TNRC6A: variants seen among roughly 807,000 people sequenced by gnomAD.
TNRC6A encodes the protein trinucleotide repeat containing adaptor 6A.
Under a neutral mutation model 221.2 loss-of-function variants are expected in TNRC6A, and 44 were observed. The ratio of observed to expected loss-of-function variants is 0.20; its 90% CI spans 0.16 to 0.26. The LOEUF is 0.26. Among genes scored for constraint, TNRC6A ranks in the 10% least tolerant of loss-of-function variants. The probability of loss-of-function intolerance (pLI) is 1.00; values close to 1 mark genes in which losing one functional copy is unlikely to be tolerated. For synonymous variants in TNRC6A, 847 were observed against 838.5 expected, an observed-to-expected ratio of 1.01 and a Z score of -0.18; for missense variants, 2,199 against 2,404.4, an observed-to-expected ratio of 0.91 and a Z score of 1.79.
At chr16:24,822,042 T>C in intron 22 of TNRC6A, 35 bp from the exon 23 acceptor site, 1 of 1,610,690 alleles carries the variant, frequency 6.2e-7, no homozygotes. Context: ...CTTTCAGTCC[T>C]GGAAAACTGA....
At chr16:24,813,254 A>G (rs1199322163) in intron 18 of TNRC6A, among the ~76,000 whole-genome samples, 1 of 152,162 alleles carries the variant, frequency 6.6e-6, no homozygotes, top group Non-Finnish European at 1.5e-5. Flanking sequence ...GATATATTGC[A>G]TACTGGTGGA....
chr16:24,658,667 T>G (rs961726121), intron 2 of TNRC6A, among the ~76,000 whole-genome samples: 5 of 151,846 alleles, frequency 3.3e-5, no homozygotes, highest in African/African-American at 1.2e-4. Flanking sequence ...CCACCCTGTT[T>G]CTAATGTTGT....
At chr16:24,671,319 G>C (rs187725219) in intron 2 of TNRC6A, among the ~76,000 whole-genome samples, 1 of 152,312 alleles carries the variant, frequency 6.6e-6, no homozygotes, top group African/African-American at 2.4e-5. Flanking sequence ...AGGTCTCCAG[G>C]AGAGAGGGAA....
chr16:24,679,236 G>T (rs1172969900), intron 2 of TNRC6A, among the ~76,000 whole-genome samples: 1 of 152,020 alleles, frequency 6.6e-6, no homozygotes, highest in African/African-American at 2.4e-5. Context: ...AACCTCAGGT[G>T]ATCCACCCAC....
intron 1 of TNRC6A, among the ~76,000 whole-genome samples, chr16:24,626,580 T>C (rs966041459): frequency 6.6e-6 from 1 of 151,980 alleles, no homozygotes; most frequent in Non-Finnish European, 1.5e-5. Flanking sequence ...ATTTAAAAAA[T>C]TTTTTTACAT....
rs79117789 is a variant in TNRC6A at position 24,791,722 on chromosome 16, C to T, written c.3080C>T (p.Pro1027Leu). The T allele has an allele frequency of 1.2e-6, 2 of 1,613,340 alleles. No individual in the cohort carries two copies. The highest frequency in any genetic ancestry group is 2.2e-5 in the South Asian group (2 of 90,936). ...GTGAACATGTGGAACAAAAACGTCC[C>T]AAATGGCAACAGCCGTTCAGACCAG... ...KNVNMWNKNV[P>L]NGNSRSDQQA... The change falls in exon 6 of 25, where the codon CCA becomes CTA. Residue 1027 changes from proline to leucine, a missense_variant. Around this residue, in one of 8 missense-constraint regions of TNRC6A, gnomAD observed 1,405 missense variants for 1,400.2 expected, o/e 1.00. Transcript: ENST00000395799.
Position 24,791,043 on chromosome 16 carries a change from CA to C in TNRC6A, c.2402del (p.Gln801ArgfsTer102). The C allele has an allele frequency of 6.3e-7, 1 of 1,593,838 alleles. No homozygotes were observed. The highest frequency in any genetic ancestry group is 8.5e-7 in the Non-Finnish European group (1 of 1,169,592). On this transcript the variant is annotated frameshift_variant, in exon 6 of 25. Transcript: ENST00000395799. LOFTEE classifies it high-confidence loss of function. ...RWGDSKGSNC[Q>X]GGWEDDSAAT... ...GGGAGATTCCAAAGGCTCAAACTGCCAGGGGGGGTGGGAAGATGATTCTGCT... is the reference window on the plus strand; with the variant it reads ...GGGAGATTCCAAAGGCTCAAACTGCCGGGGGGGTGGGAAGATGATTCTGCT...
rs2057449245 is a variant in TNRC6A, at chr16:24,765,306, C to G, written c.163+6946C>G. Among the ~76,000 whole-genome samples, 4 of 152,128 alleles carry G rather than the reference C, an allele frequency of 2.6e-5. No individual in the cohort carries two copies. In the South Asian group the frequency reaches 8.3e-4, roughly 32 times the overall value. The stretch of plus-strand genomic sequence containing the variant: ...TTCAAGCATGTAACCTAATGATACA[C>G]AGAGAAAATGATACTTGCAGGGCCA... On this transcript the variant is annotated intron_variant, in intron 4 of 24. Transcript: ENST00000395799.
chr16:24,659,734 C>T (rs942248794), intron 2 of TNRC6A, among the ~76,000 whole-genome samples: 1 of 152,210 alleles, frequency 6.6e-6, no homozygotes, highest in South Asian at 2.1e-4. Context: ...TGAGCTATCA[C>T]ACCCAGCCCT....
intron 2 of TNRC6A, among the ~76,000 whole-genome samples, chr16:24,735,627 C>T (rs2056748138): frequency 1.3e-5 from 2 of 152,094 alleles, no homozygotes; most frequent in South Asian, 2.1e-4. Flanking sequence ...TGTGTAACAA[C>T]CCTCTGTGGA....
intron 1 of TNRC6A, 27 bp from the exon 2 acceptor site, chr16:24,730,226 G>T (rs1567396910): frequency 1.3e-6 from 2 of 1,571,538 alleles, no homozygotes; most frequent in Non-Finnish European, 1.7e-6. Flanking sequence ...TTTTTGTTTT[G>T]TTTTTGTTTT....
intron 2 of TNRC6A, among the ~76,000 whole-genome samples, chr16:24,699,240 G>A (rs922898538): frequency 2.0e-5 from 3 of 152,080 alleles, no homozygotes; most frequent in African/African-American, 2.4e-5. Context: ...AGTCCTATTC[G>A]TGCCTCCACA....
chr16:24,819,715 CA>C, intron 21 of TNRC6A: 3 of 213,030 alleles, frequency 1.4e-5, no homozygotes, highest in Non-Finnish European at 2.8e-5. Flanking sequence ...TCTCCTTTGG[CA>C]GCTCCTGAGT....
intron 4 of TNRC6A, among the ~76,000 whole-genome samples, chr16:24,760,918 A>G (rs1285918101): frequency 6.6e-6 from 1 of 152,190 alleles, no homozygotes; most frequent in African/African-American, 2.4e-5. Flanking sequence ...TTTCCATTCT[A>G]GGATCCGATG....
intron 2 of TNRC6A, among the ~76,000 whole-genome samples, chr16:24,691,223 T>C (rs1254044781): frequency 6.6e-6 from 1 of 152,022 alleles, no homozygotes; most frequent in Non-Finnish European, 1.5e-5. Context: ...ATTAGTATTC[T>C]TTTCCTTTTT....
chr16:24,616,362 AAAG>A (rs1050207849), intron 1 of TNRC6A, among the ~76,000 whole-genome samples: 53 of 151,074 alleles, frequency 3.5e-4, no homozygotes, highest in African/African-American at 1.3e-3. Context: ...AAGAAGAAGA[AAAG>A]AAGATTGTTT....
At chr16:24,699,325 A>G (rs2055923393) in intron 2 of TNRC6A, among the ~76,000 whole-genome samples, 1 of 152,188 alleles carries the variant, frequency 6.6e-6, no homozygotes. Flanking sequence ...AGCACAGAAG[A>G]GAGACAATCA....
intron 20 of TNRC6A, among the ~76,000 whole-genome samples, chr16:24,818,042 A>G (rs1318946808): frequency 6.6e-6 from 1 of 152,216 alleles, no homozygotes; most frequent in African/African-American, 2.4e-5. Flanking sequence ...GAACTGGTGT[A>G]GTAATCCAGA....
chr16:24,806,855 C>G, intron 17 of TNRC6A, 71 bp downstream of exon 17: 1 of 1,384,496 alleles, frequency 7.2e-7, no homozygotes. Context: ...TCACACGTAC[C>G]CTTACAGCTC....
Sources: allele counts gnomAD v4.1 joint callset (sites outside exome capture counted in the v4.1 genomes callset), GRCh38; gene constraint gnomAD v4.1.1; regional missense constraint gnomAD v4.1.1; transcripts MANE v1.5; gene names NCBI Gene and HGNC (gene_info 2026-07-23, HGNC 2026-07-21).